Variants in TTLL4 observed in about 807,000 individuals in gnomAD.
TTLL4 encodes tubulin tyrosine ligase like 4.
Under a neutral mutation model 122.7 loss-of-function variants are expected in TTLL4, and 85 were observed. The observed-to-expected ratio is 0.69, with a 90% CI of 0.58 to 0.83. The LOEUF is 0.83. Ranked by LOEUF, TTLL4 falls within the 40% of genes least tolerant of loss-of-function variation. The pLI, the probability that TTLL4 is intolerant of heterozygous loss-of-function variation, is 0.00. For missense variants in TTLL4, 1,363 were observed against 1,488.6 expected, an observed-to-expected ratio of 0.92 and a Z score of 1.39; for synonymous variants, 553 against 563.0, an observed-to-expected ratio of 0.98 and a Z score of 0.25.
intron 1 of TTLL4, among the ~76,000 whole-genome samples, chr2:218,718,319 G>A (rs1246318199): frequency 1.3e-5 from 2 of 152,076 alleles, no homozygotes; most frequent in African/African-American, 2.4e-5. Flanking sequence ...GTCCAAGTTG[G>A]TCTGGGCCTG....
At position 218,748,183 on chromosome 2, in the gene TTLL4, G is replaced by A. The variant is rs1199883958; in HGVS notation, c.2457G>A (p.Glu819=). Reference sequence around the variant, plus strand: ...ACAGTGTCAATAAAAAGAATGCCGAGTACCAGGCCAATGCAGATGAAATGG... The same window carrying A: ...ACAGTGTCAATAAAAAGAATGCCGAATACCAGGCCAATGCAGATGAAATGG... ...TNYSVNKKNA[E]YQANADEMAC... Residue 819 remains glutamate, a synonymous_variant, in exon 12 of 20, where the codon GAG becomes GAA. Coordinates refer to ENST00000392102, the MANE Select transcript of TTLL4 (RefSeq NM_014640.5). 2.5e-6 allele frequency: 4 copies of A among 1,614,060 alleles called. No individual in the cohort carries two copies. The highest frequency in any genetic ancestry group is 2.2e-5 in the East Asian group (1 of 44,898).
rs1942971080 is a variant in TTLL4, at chr2:218,749,929, G to A, written c.2736-80G>A. ...CTTAGGGAAGCCAGGAAGTAAATGA[G>A]ACTAGCCCTGAGTTGCACATATGAC... is the stretch of plus-strand genomic sequence containing the variant. On this transcript the variant is annotated intron_variant, in intron 14 of 19. Coordinates refer to ENST00000392102, the MANE Select transcript of TTLL4 (RefSeq NM_014640.5). 1.9e-6 allele frequency: 3 copies of A among 1,545,420 alleles called. No individual in the cohort carries two copies. The African/African-American group carries it at 4.1e-5, about 21-fold the overall frequency.
At chr2:218,723,451 A>G (rs1486034857) in intron 1 of TTLL4, among the ~76,000 whole-genome samples, 6 of 152,332 alleles carry the variant, frequency 3.9e-5, no homozygotes, top group East Asian at 1.9e-4. Flanking sequence ...AAGTGCTTCC[A>G]TTAAACTTTA....
At chr2:218,716,227 T>C (rs1941852949) in intron 1 of TTLL4, among the ~76,000 whole-genome samples, 1 of 152,246 alleles carries the variant, frequency 6.6e-6, no homozygotes, top group African/African-American at 2.4e-5. Context: ...TTGGTTTCCT[T>C]GAAGTGACAG....
At chr2:218,735,877 G>A (rs142161398) in intron 2 of TTLL4, among the ~76,000 whole-genome samples, 3 of 151,698 alleles carry the variant, frequency 2.0e-5, no homozygotes, top group African/African-American at 7.3e-5. Context: ...CACCATGCTG[G>A]CCAGGCTGGT....
In TTLL4 at chr2:218,737,892, G is replaced by A; in HGVS notation, c.216G>A (p.Leu72=). Reference sequence around the variant, plus strand: ...CAGCAGGGTTGGGCCCAGGCCTCTTGGGCGTCCCACCCCAGCCAGCATATT... The same window carrying A: ...CAGCAGGGTTGGGCCCAGGCCTCTTAGGCGTCCCACCCCAGCCAGCATATT... The part of the protein sequence containing the change: ...TLSAGLGPGL[L]GVPPQPAYFF... The change falls in exon 3 of 20, where the codon TTG becomes TTA. Residue 72 remains leucine (L), a synonymous_variant. Coordinates refer to ENST00000392102, the MANE Select transcript of TTLL4 (RefSeq NM_014640.5). 1 of 1,614,214 alleles carries A rather than the reference G, an allele frequency of 6.2e-7. No homozygotes were observed. Among genetic ancestry groups the A allele is most frequent in the Non-Finnish European group, 8.5e-7 (1 of 1,180,042 alleles).
chr2:218,745,449 T>G lies in TTLL4; in HGVS notation c.1786+216T>G, dbSNP rs990015412. 1.4e-5 allele frequency: 9 copies of G among 660,072 alleles called. No individual in the cohort carries two copies. In the African/African-American group the frequency reaches 1.6e-4, roughly 12 times the overall value. The allele number at this position is 660,072 out of a possible 1,614,324, so 40.9% of individuals were successfully genotyped here. Reference sequence around the variant, plus strand: ...CCTTTTCAGCCTTGCCATGTCATGCTGAGTTCATGCTCTTCAACCTTGTTG... The same window carrying G: ...CCTTTTCAGCCTTGCCATGTCATGCGGAGTTCATGCTCTTCAACCTTGTTG... On this transcript the variant is annotated intron_variant, in intron 6 of 19. Transcript: ENST00000392102.
chr2:218,724,189 T>C (rs1454611324), intron 1 of TTLL4, among the ~76,000 whole-genome samples: 2 of 152,184 alleles, frequency 1.3e-5, no homozygotes, highest in Non-Finnish European at 2.9e-5. Flanking sequence ...AGGAATTCTT[T>C]GTACTATTTT....
chr2:218,712,282 C>T (rs955399564), intron 1 of TTLL4, among the ~76,000 whole-genome samples: 2 of 152,116 alleles, frequency 1.3e-5, no homozygotes, highest in African/African-American at 4.8e-5. Flanking sequence ...ATCCCTGGAG[C>T]AGTGGTTTTC....
intron 2 of TTLL4, among the ~76,000 whole-genome samples, chr2:218,736,773 A>G (rs780967770): frequency 2.6e-5 from 4 of 152,058 alleles, no homozygotes; most frequent in Non-Finnish European, 5.9e-5. Flanking sequence ...CTATTTAACC[A>G]TGAAAAGCAG....
At chr2:218,742,939 A>T (rs373720663) in intron 5 of TTLL4, among the ~76,000 whole-genome samples, 1 of 152,102 alleles carries the variant, frequency 6.6e-6, no homozygotes, top group African/African-American at 2.4e-5. Context: ...CCTGGCCAAC[A>T]TGGTGAAACC....
chr2:218,725,266 G>A (rs950900938), intron 1 of TTLL4, among the ~76,000 whole-genome samples: 4 of 152,066 alleles, frequency 2.6e-5, no homozygotes, highest in African/African-American at 9.7e-5. Context: ...GTCCCCTAGC[G>A]TGGAATGCAG....
In TTLL4 at chr2:218,747,907, A is replaced by T; in HGVS notation, c.2378+182A>T. ...TGGGGAGGGTCTTCCTGCATGCGGGACTGAGGTGGGATAAAGGAGATGAGT... is the reference window on the plus strand; with the variant it reads ...TGGGGAGGGTCTTCCTGCATGCGGGTCTGAGGTGGGATAAAGGAGATGAGT... On this transcript the variant is annotated intron_variant, in intron 11 of 19. Coordinates refer to ENST00000392102, the MANE Select transcript of TTLL4 (RefSeq NM_014640.5). The surrounding 1 kb of genome is among the most constrained non-coding windows in gnomAD (Gnocchi z 4.7). 1 of 1,121,856 alleles carries T rather than the reference A, an allele frequency of 8.9e-7. No individual in the cohort carries two copies. Among genetic ancestry groups the T allele is most frequent in the Non-Finnish European group, 1.3e-6 (1 of 791,866 alleles). The allele number at this position is 1,121,856 out of a possible 1,614,324, so 69.5% of individuals were successfully genotyped here. A position where few individuals can be genotyped will look rare whatever the true frequency, so the allele number is the denominator to read the frequency against.
chr2:218,746,376 C>A, intron 8 of TTLL4, 145 bp downstream of exon 8: 2 of 800,734 alleles, frequency 2.5e-6, no homozygotes, highest in Non-Finnish European at 4.1e-6. Context: ...AAGTACAGGA[C>A]GGGGGTACAG....
Position 218,738,014 on chromosome 2 carries a change from A to G in TTLL4, c.338A>G (p.Asn113Ser), listed in dbSNP as rs114179677. ...CTACACTCTCTCCCGGACTTGTTCA[A>G]CAGCACCCTGCTATACCGCCGCTCC... ...CYLHSLPDLF[N>S]STLLYRRSSY... The change falls in exon 3 of 20, where the codon AAC (asparagine) becomes AGC (serine). Residue 113 changes from asparagine to serine, a missense_variant. Transcript: ENST00000392102. The G allele has an allele frequency of 1.8e-4, 283 of 1,614,180 alleles. No individual in the cohort carries two copies. In the South Asian group the frequency reaches 2.8e-3, roughly 16 times the overall value.
chr2:218,724,269 A>G (rs1269915420), intron 1 of TTLL4, among the ~76,000 whole-genome samples: 3 of 152,346 alleles, frequency 2.0e-5, no homozygotes, highest in Admixed American at 6.5e-5. Flanking sequence ...ATTACTACTT[A>G]AAGGGAAGTT....
Position 218,747,681 on chromosome 2 carries a change from G to T in TTLL4, c.2334G>T (p.Arg778=), listed in dbSNP as rs1426943186. 2 of 1,614,234 alleles carry T rather than the reference G, an allele frequency of 1.2e-6. No individual in the cohort carries two copies. The highest frequency in any genetic ancestry group is 1.7e-6 in the Non-Finnish European group (2 of 1,180,046). The part of the protein sequence containing the change: ...YVYVTSYDPL[R]IYLFSDGLVR... Reference sequence around the variant, plus strand: ...ATGTCACTTCCTACGATCCTCTGCGGATTTACCTCTTTTCAGATGGACTGG... The same window carrying T: ...ATGTCACTTCCTACGATCCTCTGCGTATTTACCTCTTTTCAGATGGACTGG... Residue 778 remains arginine, a synonymous_variant, in exon 11 of 20, where the codon CGG becomes CGT. Coordinates refer to ENST00000392102, the MANE Select transcript of TTLL4 (RefSeq NM_014640.5). The surrounding 1 kb of genome is among the most constrained non-coding windows in gnomAD (Gnocchi z 4.7).
intron 1 of TTLL4, among the ~76,000 whole-genome samples, chr2:218,717,948 G>T (rs1421652713): frequency 6.6e-6 from 1 of 151,986 alleles, no homozygotes; most frequent in East Asian, 1.9e-4. Context: ...GCAGGCGTCT[G>T]CCACCACGCC....
At position 218,747,100 on chromosome 2, in the gene TTLL4, G is replaced by A. The variant is rs1388220604; in HGVS notation, c.2072G>A (p.Ser691Asn). 6.2e-7 allele frequency: 1 copy of A among 1,614,096 alleles called. No homozygotes were observed. Among genetic ancestry groups the A allele is most frequent in the African/African-American group, 1.3e-5 (1 of 74,928 alleles). The change falls in exon 9 of 20, where the codon AGT becomes AAT. Residue 691 changes from serine (S) to asparagine (N), a missense_variant. Around this residue, in one of 3 missense-constraint regions of TTLL4, gnomAD observed 596 missense variants for 655.8 expected, o/e 0.91. Transcript: ENST00000392102. The surrounding 1 kb of genome is among the most constrained non-coding windows in gnomAD (Gnocchi z 4.7). The part of the protein sequence containing the change: ...MQSRFGKKEF[S>N]FFPQSFILPQ... ...AGCCGCTTTGGCAAGAAGGAGTTCA[G>A]TTTCTTCCCCCAGTCCTTTATCCTG...
Sources: allele counts gnomAD v4.1 joint callset (sites outside exome capture counted in the v4.1 genomes callset), GRCh38; gene constraint gnomAD v4.1.1; regional missense constraint gnomAD v4.1.1; non-coding constraint Gnocchi (gnomAD v3.1); transcripts MANE v1.5; gene names NCBI Gene and HGNC (gene_info 2026-07-23, HGNC 2026-07-21).